MAST1: variants seen among roughly 807,000 people sequenced by gnomAD.
The protein encoded by MAST1 is microtubule-associated serine/threonine-protein kinase 1.
In MAST1, 40 loss-of-function variants were observed where a neutral mutation model predicts 124.6. The ratio of observed to expected loss-of-function variants is 0.32; its 90% CI spans 0.25 to 0.42. The LOEUF is 0.42. Among genes scored for constraint, MAST1 ranks in the 10% least tolerant of loss-of-function variants. The pLI, the probability that MAST1 is intolerant of heterozygous loss-of-function variation, is 1.00. For missense variants in MAST1, 1,558 were observed against 2,181.9 expected, an observed-to-expected ratio of 0.71 and a Z score of 5.70; for synonymous variants, 938 against 939.4, an observed-to-expected ratio of 1.00 and a Z score of 0.03.
At chr19:12,853,906 ATAATGAT>A (rs1969991894) in intron 10 of MAST1, among the ~76,000 whole-genome samples, 1 of 148,780 alleles carries the variant, frequency 6.7e-6, no homozygotes, top group Non-Finnish European at 1.5e-5. Flanking sequence ...AATAATAATA[ATAATGAT>A]TAATAGTAAT....
rs1215828730 is a variant in MAST1, at chr19:12,847,774, G to T, written c.565-74G>T. On this transcript the variant is annotated intron_variant, in intron 6 of 25. Coordinates refer to ENST00000251472, the MANE Select transcript of MAST1 (RefSeq NM_014975.3). The surrounding 1 kb of genome is among the most constrained non-coding windows in gnomAD (Gnocchi z 5.5). ...TCCCCGCGCGCCCCCTGGCGGCCTCGGTGCGCAGCGCAGGCTCCTGGCGGC... is the reference window on the plus strand; with the variant it reads ...TCCCCGCGCGCCCCCTGGCGGCCTCTGTGCGCAGCGCAGGCTCCTGGCGGC... 1.3e-6 allele frequency: 2 copies of T among 1,581,300 alleles called. No homozygotes were observed. The highest frequency in any genetic ancestry group is 2.3e-5 in the East Asian group (1 of 44,266).
chr19:12,870,747 G>A, intron 22 of MAST1, 77 bp from the exon 23 acceptor site: 2 of 1,449,638 alleles, frequency 1.4e-6, no homozygotes, highest in Non-Finnish European at 1.9e-6. Flanking sequence ...AGAGCTAAGT[G>A]TCCTGCATAT....
intron 7 of MAST1, among the ~76,000 whole-genome samples, chr19:12,849,617 T>C (rs546219542): frequency 2.0e-5 from 3 of 151,752 alleles, no homozygotes; most frequent in Admixed American, 2.0e-4. Flanking sequence ...TGAGCCGAGG[T>C]TGCGCCACTG....
chr19:12,840,382 G>A lies in MAST1; in HGVS notation c.84-64G>A, dbSNP rs763290221. The A allele has an allele frequency of 1.1e-4, 116 of 1,020,570 alleles. 1 individual carries two copies. The Middle Eastern group carries it at 1.8e-3, about 15-fold the overall frequency. 63.2% of individuals were successfully genotyped at this position (1,020,570 alleles called of 1,614,324 possible). A position where few individuals can be genotyped will look rare whatever the true frequency, so the allele number is the denominator to read the frequency against. ...GGGATCTGAGACAGGAGGTCAGCTG[G>A]TGGGGCTCAAGAACTCACTGGGCTG... is the stretch of plus-strand genomic sequence containing the variant. On this transcript the variant is annotated intron_variant, in intron 1 of 25. Coordinates refer to ENST00000251472, the MANE Select transcript of MAST1 (RefSeq NM_014975.3).
At position 12,847,809 on chromosome 19, in the gene MAST1, C is replaced by A. The variant is rs749646471; in HGVS notation, c.565-39C>A. On this transcript the variant is annotated intron_variant, in intron 6 of 25. Coordinates refer to ENST00000251472, the MANE Select transcript of MAST1 (RefSeq NM_014975.3). The surrounding 1 kb of genome is among the most constrained non-coding windows in gnomAD (Gnocchi z 5.5). ...GCAGGCTCCTGGCGGCCGCAGCCTTCGGGCACAGCCCCGCGCCCCTCCTCC... is the reference window on the plus strand; with the variant it reads ...GCAGGCTCCTGGCGGCCGCAGCCTTAGGGCACAGCCCCGCGCCCCTCCTCC... 2 of 1,583,056 alleles carry A rather than the reference C, an allele frequency of 1.3e-6. No individual in the cohort carries two copies. The highest frequency in any genetic ancestry group is 1.8e-5 in the Admixed American group (1 of 56,884).
intron 10 of MAST1, among the ~76,000 whole-genome samples, chr19:12,853,956 C>T (rs987669633): frequency 6.6e-6 from 1 of 150,804 alleles, no homozygotes; most frequent in Non-Finnish European, 1.5e-5. Context: ...TAGTAATTCA[C>T]CATGCTGTAC....
chr19:12,848,152 C>A, intron 7 of MAST1, 95 bp downstream of exon 7: 2 of 1,186,290 alleles, frequency 1.7e-6, no homozygotes, highest in Non-Finnish European at 2.4e-6. Flanking sequence ...ATTCAGGGAG[C>A]TCCTACCACG....
At position 12,868,929 on chromosome 19, in the gene MAST1, C is replaced by G. The variant is rs553852231; in HGVS notation, c.2773+80C>G. The G allele has an allele frequency of 4.5e-6, 7 of 1,545,376 alleles. No individual in the cohort carries two copies. The East Asian group carries it at 1.6e-4, about 35-fold the overall frequency. On this transcript the variant is annotated intron_variant, in intron 21 of 25. Transcript: ENST00000251472. Reference sequence around the variant, plus strand: ...CAGACCAATGAAAATGCTGCATTTTCCCTGTCCACCGTGATTGGCTCCAGG... The same window carrying G: ...CAGACCAATGAAAATGCTGCATTTTGCCTGTCCACCGTGATTGGCTCCAGG...
chr19:12,863,070 A>AC (rs1970105003), intron 12 of MAST1, among the ~76,000 whole-genome samples: 1 of 139,690 alleles, frequency 7.2e-6, no homozygotes, highest in Non-Finnish European at 1.5e-5. Context: ...AATCTCTTGA[A>AC]CCCGGGGGCG....
chr19:12,863,004 C>T (rs1970103809), intron 12 of MAST1, among the ~76,000 whole-genome samples: 1 of 151,452 alleles, frequency 6.6e-6, no homozygotes, highest in Non-Finnish European at 1.5e-5. Flanking sequence ...CAAAAATTAG[C>T]CAGGAGTGGC....
chr19:12,855,770 A>G (rs1371068966), intron 10 of MAST1, among the ~76,000 whole-genome samples: 1 of 152,176 alleles, frequency 6.6e-6, no homozygotes, highest in African/African-American at 2.4e-5. Context: ...AAAAAAAGGT[A>G]TTTATCTCTC....
intron 10 of MAST1, among the ~76,000 whole-genome samples, chr19:12,855,095 G>A (rs1176471060): frequency 2.0e-5 from 3 of 152,024 alleles, no homozygotes; most frequent in African/African-American, 7.3e-5. Flanking sequence ...TTAGCCAGGT[G>A]TGGTGGTGCC....
intron 10 of MAST1, among the ~76,000 whole-genome samples, chr19:12,852,840 A>C (rs1435541672): frequency 7.1e-6 from 1 of 140,956 alleles, no homozygotes; most frequent in Non-Finnish European, 1.5e-5. Context: ...CAAGAGCGAA[A>C]CTGTCTCAAA....
chr19:12,860,087 C>T (rs532971056), intron 12 of MAST1, among the ~76,000 whole-genome samples: 5 of 151,922 alleles, frequency 3.3e-5, no homozygotes, highest in South Asian at 2.1e-4. Flanking sequence ...TTTATCCATC[C>T]GTATGTCTGT....
chr19:12,852,274 T>G (rs753024784), intron 9 of MAST1, 27 bp downstream of exon 9: 15 of 1,613,926 alleles, frequency 9.3e-6, no homozygotes, highest in Non-Finnish European at 1.3e-5. Context: ...GCAGGGGGAC[T>G]GGGGGTGAGC....
chr19:12,868,102 G>GTTTTTTTT (rs1568414424), intron 20 of MAST1, 125 bp downstream of exon 20: 8 of 539,324 alleles, frequency 1.5e-5, no homozygotes, highest in East Asian at 7.7e-5. Flanking sequence ...TGCAATTTGG[G>GTTTTTTTT]ATTTTTTTTT....
Position 12,874,820 on chromosome 19 carries a change from G to A in MAST1, c.4663G>A (p.Ala1555Thr), listed in dbSNP as rs771812465. ...SRCPAEAVPP[A>T]GLTKKGVSSP... is the part of the protein sequence containing the mutation. ...GTGCCCTGCTGAAGCTGTGCCCCCA[G>A]CAGGCCTGACCAAAAAAGGAGTGTC... is the stretch of plus-strand genomic sequence containing the variant. Residue 1555 changes from alanine to threonine, a missense_variant, in exon 26 of 26, where the codon GCA (alanine) becomes ACA (threonine). By Grantham distance (58) the Ala-to-Thr change is moderately conservative. Around this residue, in one of 10 missense-constraint regions of MAST1, gnomAD observed 168 missense variants for 154.3 expected, o/e 1.09. Transcript: ENST00000251472. This position sits in a 1 kb window ranked among gnomAD's most constrained non-coding sequence, Gnocchi z 6.6. 10 of 1,599,888 alleles carry A rather than the reference G, an allele frequency of 6.3e-6. No homozygotes were observed. The highest frequency in any genetic ancestry group is 4.0e-5 in the African/African-American group (3 of 74,580).
intron 24 of MAST1, 129 bp downstream of exon 24, chr19:12,871,301 G>A: frequency 1.4e-6 from 2 of 1,385,416 alleles, no homozygotes; most frequent in Non-Finnish European, 2.0e-6. Flanking sequence ...CAAGCAAAGG[G>A]AAGAGGACAA....
At position 12,841,168 on chromosome 19, in the gene MAST1, C is replaced by T. The variant is rs1318783419; in HGVS notation, c.248+102C>T. The T allele has an allele frequency of 4.4e-6, 3 of 675,370 alleles. No individual in the cohort carries two copies. Among genetic ancestry groups the T allele is most frequent in the Non-Finnish European group, 8.1e-6 (3 of 371,756 alleles). 41.8% of individuals were successfully genotyped at this position (675,370 alleles called of 1,614,324 possible). A position where few individuals can be genotyped will look rare whatever the true frequency, so the allele number is the denominator to read the frequency against. Reference sequence around the variant, plus strand: ...CCTCCTAATTGCACCCGAGCTGGGGCCTGAGGGGACCAGCGAGTGCCCCAA... The same window carrying T: ...CCTCCTAATTGCACCCGAGCTGGGGTCTGAGGGGACCAGCGAGTGCCCCAA... On this transcript the variant is annotated intron_variant, in intron 3 of 25. Coordinates refer to ENST00000251472, the MANE Select transcript of MAST1 (RefSeq NM_014975.3). This position sits in a 1 kb window ranked among gnomAD's most constrained non-coding sequence, Gnocchi z 4.3.
Sources: gnomAD v4.1 joint callset for allele counts (sites outside exome capture counted in the v4.1 genomes callset) on GRCh38, gnomAD v4.1.1 for gene constraint, gnomAD v4.1.1 regional missense constraint, Gnocchi (gnomAD v3.1) non-coding constraint, MANE v1.5 for transcripts, NCBI Gene and HGNC (gene_info 2026-07-23, HGNC 2026-07-21) for gene names.